Variants in LITAF observed in about 807,000 individuals in gnomAD.
LITAF encodes lipopolysaccharide induced TNF factor, also known as lipopolysaccharide-induced tumor necrosis factor-alpha factor.
A neutral mutation model predicts 14.5 loss-of-function variants in LITAF; 9 were observed. That is an observed-to-expected ratio of 0.62 (90% CI 0.37 to 1.08). The LOEUF is 1.08. Among genes scored for constraint, LITAF ranks in the 50% least tolerant of loss-of-function variants. The pLI is 0.01. For synonymous variants in LITAF, 98 were observed against 88.2 expected (o/e 1.11, Z -0.62); for missense variants, 206 against 213.4 (o/e 0.97, Z 0.22).
intron 3 of LITAF, among the ~76,000 whole-genome samples, chr16:11,608,768 G>C (rs984284449): frequency 6.6e-6 from 1 of 152,114 alleles, no homozygotes; most frequent in Non-Finnish European, 1.5e-5. Flanking sequence ...TTCGAGACCA[G>C]CCTGGCCAAC....
intron 2 of LITAF, among the ~76,000 whole-genome samples, chr16:11,635,428 C>T (rs1289251572): frequency 4.6e-5 from 7 of 152,236 alleles, no homozygotes; most frequent in Non-Finnish European, 1.0e-4. Context: ...TGCCCTCCAC[C>T]CTGGCTCACC....
intron 3 of LITAF, among the ~76,000 whole-genome samples, chr16:11,608,645 C>A (rs1453785857): frequency 1.3e-5 from 2 of 152,182 alleles, no homozygotes; most frequent in East Asian, 3.8e-4. Context: ...AAACAGTACA[C>A]TGAGTGAGAG....
At chr16:11,552,433 A>G (rs544533839) in intron 3 of LITAF, among the ~76,000 whole-genome samples, 94 of 152,324 alleles carry the variant, frequency 6.2e-4, no homozygotes, top group African/African-American at 2.1e-3. Flanking sequence ...TCATAAAAGG[A>G]TAAGAAGTTT....
At chr16:11,626,689 C>T (rs2065085975) in intron 3 of LITAF, among the ~76,000 whole-genome samples, 1 of 151,916 alleles carries the variant, frequency 6.6e-6, no homozygotes, top group African/African-American at 2.4e-5. Flanking sequence ...CCAGGCTGGT[C>T]TCGAACTCCC....
At chr16:11,564,891 C>T (rs190228149) in intron 1 of LITAF, among the ~76,000 whole-genome samples, 2 of 151,990 alleles carry the variant, frequency 1.3e-5, no homozygotes, top group East Asian at 1.9e-4. Context: ...GATGGGTGTA[C>T]AGCAGTGGGA....
chr16:11,635,305 T>G (rs958185774), intron 2 of LITAF, among the ~76,000 whole-genome samples: 3 of 152,222 alleles, frequency 2.0e-5, no homozygotes, highest in East Asian at 1.9e-4. Context: ...CATGCACGCA[T>G]GTAGATACCA....
At chr16:11,596,128 G>C (rs1321477900) in intron 1 of LITAF, among the ~76,000 whole-genome samples, 1 of 152,104 alleles carries the variant, frequency 6.6e-6, no homozygotes. Flanking sequence ...TAATTAATGG[G>C]TCAACCCTTC....
chr16:11,551,632 GC>G (rs1446828805), intron 3 of LITAF: 1 of 553,822 alleles, frequency 1.8e-6, no homozygotes, highest in Non-Finnish European at 3.2e-6. Context: ...ACCAGCCTGG[GC>G]AACATAGTAA....
At chr16:11,573,506 G>A (rs896847477) in intron 1 of LITAF, among the ~76,000 whole-genome samples, 2 of 152,176 alleles carry the variant, frequency 1.3e-5, no homozygotes, top group Non-Finnish European at 2.9e-5. Flanking sequence ...AGCGTTGCTG[G>A]TAACAGCAGA....
At chr16:11,607,252 A>G (rs531518627) in intron 3 of LITAF, among the ~76,000 whole-genome samples, 1 of 152,244 alleles carries the variant, frequency 6.6e-6, no homozygotes, top group Non-Finnish European at 1.5e-5. Flanking sequence ...ACAGGCCTGC[A>G]TCAGAGGATG....
At chr16:11,631,676 C>T (rs1382913931) in intron 3 of LITAF, among the ~76,000 whole-genome samples, 1 of 152,158 alleles carries the variant, frequency 6.6e-6, no homozygotes, top group Non-Finnish European at 1.5e-5. Flanking sequence ...AGGCGTGAGC[C>T]ATGGTGCCCA....
intron 1 of LITAF, among the ~76,000 whole-genome samples, chr16:11,595,574 A>G (rs2064879243): frequency 6.6e-6 from 1 of 152,044 alleles, no homozygotes; most frequent in Non-Finnish European, 1.5e-5. Flanking sequence ...CTAAAAATAC[A>G]AAAAATTAGC....
intron 1 of LITAF, among the ~76,000 whole-genome samples, chr16:11,576,498 A>G (rs953057088): frequency 3.4e-5 from 5 of 145,336 alleles, no homozygotes; most frequent in Non-Finnish European, 6.0e-5. Flanking sequence ...ATAAATAAAT[A>G]AATTCCCATA....
chr16:11,579,356 C>A (rs2064695274), intron 1 of LITAF, among the ~76,000 whole-genome samples: 1 of 151,696 alleles, frequency 6.6e-6, no homozygotes, highest in African/African-American at 2.4e-5. Context: ...GAGGCTGAGG[C>A]AGGAGAATGG....
At chr16:11,602,446 G>C (rs2064933507), upstream of LITAF, among the ~76,000 whole-genome samples, 1 of 152,180 alleles carries the variant, frequency 6.6e-6, no homozygotes, top group Admixed American at 6.5e-5. Flanking sequence ...TGGAAAGCAG[G>C]CTGCTAAATT....
At chr16:11,611,732 G>A (rs982430933) in intron 3 of LITAF, among the ~76,000 whole-genome samples, 6 of 149,014 alleles carry the variant, frequency 4.0e-5, no homozygotes, top group East Asian at 3.9e-4. Flanking sequence ...GTGCGATCTC[G>A]CCTCACTGCA....
upstream of LITAF, among the ~76,000 whole-genome samples, chr16:11,589,790 T>A (rs1351212563): frequency 2.0e-5 from 3 of 151,392 alleles, no homozygotes; most frequent in African/African-American, 7.3e-5. Flanking sequence ...AGCTAGTTTT[T>A]TTTTGTAATT....
At chr16:11,607,820 T>C (rs1027448195) in intron 3 of LITAF, among the ~76,000 whole-genome samples, 8 of 152,180 alleles carry the variant, frequency 5.3e-5, no homozygotes, top group Admixed American at 1.3e-4. Context: ...CTGTGCATCA[T>C]GGAAGGTTTG....
rs80312494 is a variant in LITAF at position 11,596,051 on chromosome 16, G to A, written c.-6+2337C>T. ...AGTCCATGGACAGTCCCTGGTCACC[G>A]TCTGGGGGTGATGGCACCTGCAGCC... On this transcript the variant is annotated intron_variant, in intron 1 of 3. Transcript: ENST00000571627. Among the ~76,000 whole-genome samples the A allele has an allele frequency of 5.0e-3, 767 of 152,260 alleles. 6 individuals carry two copies. The highest frequency in any genetic ancestry group is 0.016 in the African/African-American group (654 of 41,550).
Sources: allele counts gnomAD v4.1 joint callset (sites outside exome capture counted in the v4.1 genomes callset), GRCh38; gene constraint gnomAD v4.1.1; transcripts MANE v1.5; gene names NCBI Gene and HGNC (gene_info 2026-07-23, HGNC 2026-07-21).